The following RHD variants were observed in gnomAD, a reference collection of about 807,000 sequenced individuals.
The protein encoded by RHD is Rh blood group D antigen, also known as blood group Rh(D) polypeptide.
RHD carries 16 observed loss-of-function variants against 45.5 expected under a neutral mutation model. The ratio of observed to expected loss-of-function variants is 0.35; its 90% CI spans 0.24 to 0.53. RHD has a LOEUF of 0.53. RHD is among the 20% of genes least tolerant of loss of function. The pLI is 0.92. For synonymous variants in RHD, 131 were observed against 217.5 expected (o/e 0.60, Z 3.50); for missense variants, 306 against 532.0 (o/e 0.58, Z 4.18).
chr1:25,303,471 G>C lies in RHD; in HGVS notation c.939+12G>C. The C allele has an allele frequency of 5.8e-6, 8 of 1,378,990 alleles. 3 individuals are homozygous for C. Among genetic ancestry groups the C allele is most frequent in the Non-Finnish European group, 8.2e-6 (8 of 978,732 alleles). 85.4% of individuals were successfully genotyped at this position (1,378,990 alleles called of 1,614,324 possible). On this transcript the variant is annotated intron_variant, in intron 6 of 9. Coordinates refer to ENST00000328664, the MANE Select transcript of RHD (RefSeq NM_016124.6). ...CCAAGTACCTGCCGGTAAGAAACTAGACAACTAACCTCCTCTGCTTTGGCT... is the reference window on the plus strand; with the variant it reads ...CCAAGTACCTGCCGGTAAGAAACTACACAACTAACCTCCTCTGCTTTGGCT...
chr1:25,310,362 C>A (rs1644075621), intron 7 of RHD, among the ~76,000 whole-genome samples: 1 of 133,132 alleles, frequency 7.5e-6, no homozygotes, highest in South Asian at 2.3e-4. Flanking sequence ...AGCTGGCATG[C>A]TCTTGCCCTC....
rs572806396 is a variant in RHD, at chr1:25,275,142, T to C, written c.148+2447T>C. Among the ~76,000 whole-genome samples the C allele has an allele frequency of 4.6e-5, 6 of 130,836 alleles. No homozygotes were observed. The East Asian group carries it at 1.2e-3, about 26-fold the overall frequency. 85.8% of individuals were successfully genotyped at this position (130,836 alleles called of 152,430 possible). A position where few individuals can be genotyped will look rare whatever the true frequency, so the allele number is the denominator to read the frequency against. ...CTGTCTCTACTAAAAATACAAAAAT[T>C]AGCCGGATGTGGTGGCACGTGCCTG... is the stretch of plus-strand genomic sequence containing the variant. On this transcript the variant is annotated intron_variant, in intron 1 of 9. Transcript: ENST00000328664.
At position 25,312,920 on chromosome 1, in the gene RHD, TAAAAAAAAAAAAAAAAAA is replaced by T. The variant is rs58027687; in HGVS notation, c.1074-4062_1074-4045del. On this transcript the variant is annotated intron_variant, in intron 7 of 9. Transcript: ENST00000328664. The stretch of plus-strand genomic sequence containing the variant: ...GGATGATAGAGCAAAATCCCATCTC[TAAAAAAAAAAAAAAAAAA>T]AAAAAAAAAAAAAAAAACTTTAGTG... Among the ~76,000 whole-genome samples, 47 of 6,856 alleles carry T rather than the reference TAAAAAAAAAAAAAAAAAA, an allele frequency of 6.9e-3. 7 individuals are homozygous for T. The South Asian group carries it at 0.14, about 20-fold the overall frequency. 4.5% of individuals were successfully genotyped at this position (6,856 alleles called of 152,430 possible).
intron 3 of RHD, among the ~76,000 whole-genome samples, chr1:25,291,161 T>TAGACAGAC (rs377224052): frequency 0.016 from 2,014 of 124,086 alleles, 238 homozygotes; most frequent in African/African-American, 0.054. Flanking sequence ...GATAGATAGA[T>TAGACAGAC]AGACAGACAG....
rs1455124354 is a variant in RHD at position 25,306,265 on chromosome 1, C to G, written c.940-331C>G. Among the ~76,000 whole-genome samples, 9 of 131,688 alleles carry G rather than the reference C, an allele frequency of 6.8e-5. 2 individuals carry two copies. The highest frequency in any genetic ancestry group is 1.3e-4 in the Non-Finnish European group (7 of 55,740). The allele number at this position is 131,688 out of a possible 152,430, so 86.4% of individuals were successfully genotyped here. A position where few individuals can be genotyped will look rare whatever the true frequency, so the allele number is the denominator to read the frequency against. On this transcript the variant is annotated intron_variant, in intron 6 of 9. Transcript: ENST00000328664. ...CTACAGTACACAGGGCAGCCCCCACCACAAGGAATTATCAGCTGAAATTGT... is the reference window on the plus strand; with the variant it reads ...CTACAGTACACAGGGCAGCCCCCACGACAAGGAATTATCAGCTGAAATTGT...
At position 25,278,159 on chromosome 1, in the gene RHD, G is replaced by A. The variant is rs866456106; in HGVS notation, c.148+5464G>A. Reference sequence around the variant, plus strand: ...CAGGGGCAGTGGAGGAGATTCTAGAGATATTTAGGAGATAAGTCAGCTGTA... The same window carrying A: ...CAGGGGCAGTGGAGGAGATTCTAGAAATATTTAGGAGATAAGTCAGCTGTA... On this transcript the variant is annotated intron_variant, in intron 1 of 9. Transcript: ENST00000328664. 1.1e-4 allele frequency among the ~76,000 whole-genome samples: 14 copies of A among 129,850 alleles called. 3 individuals are homozygous for A. The highest frequency in any genetic ancestry group is 4.2e-3 in the Middle Eastern group (1 of 238). 85.2% of individuals were successfully genotyped at this position (129,850 alleles called of 152,430 possible).
intron 6 of RHD, among the ~76,000 whole-genome samples, chr1:25,305,691 C>G (rs181147034): frequency 3.1e-5 from 4 of 128,906 alleles, no homozygotes; most frequent in African/African-American, 1.1e-4. Flanking sequence ...AGCTCCGCCT[C>G]CCGGGTTCAC....
chr1:25,318,001 T>A (rs1281483918), intron 8 of RHD: 1 of 131,270 alleles, frequency 7.6e-6, no homozygotes, highest in East Asian at 2.0e-4. Context: ...GGGGAGTTGC[T>A]AATTAGCCAG....
chr1:25,279,071 C>T (rs1459748655), intron 1 of RHD, among the ~76,000 whole-genome samples: 1 of 129,470 alleles, frequency 7.7e-6, no homozygotes, highest in East Asian at 2.0e-4. Context: ...TCCAGAATCA[C>T]GGAGGCAGCT....
Position 25,278,529 on chromosome 1 carries a change from A to C in RHD, c.148+5834A>C, listed in dbSNP as rs1284090948. Among the ~76,000 whole-genome samples the C allele has an allele frequency of 1.5e-5, 2 of 131,644 alleles. 1 individual carries two copies. Among genetic ancestry groups the C allele is most frequent in the African/African-American group, 5.2e-5 (2 of 38,636 alleles). 86.4% of individuals were successfully genotyped at this position (131,644 alleles called of 152,430 possible). A position where few individuals can be genotyped will look rare whatever the true frequency, so the allele number is the denominator to read the frequency against. On this transcript the variant is annotated intron_variant, in intron 1 of 9. Coordinates refer to ENST00000328664, the MANE Select transcript of RHD (RefSeq NM_016124.6). ...CACCCAGGGTCATTCATGCATCTGC[A>C]GTTTGGGGTGGGATGGCCTCAGATG...
rs1460920313 is a variant in RHD, at chr1:25,275,732, T to A, written c.148+3037T>A. Reference sequence around the variant, plus strand: ...TAATGGTGTCAATCTCCAGGCAGGGTCCATTGCTACAGTTGACGATAGTGG... The same window carrying A: ...TAATGGTGTCAATCTCCAGGCAGGGACCATTGCTACAGTTGACGATAGTGG... On this transcript the variant is annotated intron_variant, in intron 1 of 9. Coordinates refer to ENST00000328664, the MANE Select transcript of RHD (RefSeq NM_016124.6). Among the ~76,000 whole-genome samples the A allele has an allele frequency of 5.9e-4, 78 of 133,028 alleles. 15 individuals carry two copies. The highest frequency in any genetic ancestry group is 1.2e-3 in the Admixed American group (17 of 13,682). 87.3% of individuals were successfully genotyped at this position (133,028 alleles called of 152,430 possible). A position where few individuals can be genotyped will look rare whatever the true frequency, so the allele number is the denominator to read the frequency against.
At chr1:25,313,726 A>G (rs1644285248) in intron 7 of RHD, among the ~76,000 whole-genome samples, 1 of 131,972 alleles carries the variant, frequency 7.6e-6, no homozygotes, top group Non-Finnish European at 1.8e-5. Flanking sequence ...GTGGTGGGAG[A>G]GTAACTGGGT....
intron 2 of RHD, among the ~76,000 whole-genome samples, chr1:25,286,890 C>CAACATG: frequency 7.4e-6 from 1 of 134,400 alleles, no homozygotes; most frequent in East Asian, 1.9e-4. Context: ...GTCAGGAGTC[C>CAACATG]GAGACCAACC....
Position 25,285,777 on chromosome 1 carries a change from T to C in RHD, c.335+1018T>C, listed in dbSNP as rs1356934637. Among the ~76,000 whole-genome samples the C allele has an allele frequency of 2.2e-5, 3 of 135,124 alleles. No homozygotes were observed. In the East Asian group the frequency reaches 5.8e-4, roughly 26 times the overall value. The allele number at this position is 135,124 out of a possible 152,430, so 88.6% of individuals were successfully genotyped here. A position where few individuals can be genotyped will look rare whatever the true frequency, so the allele number is the denominator to read the frequency against. ...TAGGCTAAATTTTTTCCTGAAACATTGTTTTGTTTTGTTCAAACCTCTGAA... is the reference window on the plus strand; with the variant it reads ...TAGGCTAAATTTTTTCCTGAAACATCGTTTTGTTTTGTTCAAACCTCTGAA... On this transcript the variant is annotated intron_variant, in intron 2 of 9. Transcript: ENST00000328664.
rs369751348 is a variant in RHD, at chr1:25,306,649, C to T, written c.993C>T (p.Asn331=). 5 of 1,378,592 alleles carry T rather than the reference C, an allele frequency of 3.6e-6. 2 individuals carry two copies. Among genetic ancestry groups the T allele is most frequent in the African/African-American group, 2.9e-5 (2 of 70,022 alleles). The allele number at this position is 1,378,592 out of a possible 1,614,324, so 85.4% of individuals were successfully genotyped here. A position where few individuals can be genotyped will look rare whatever the true frequency, so the allele number is the denominator to read the frequency against. ...GIPHSSIMGY[N]FSLLGLLGEI... ...CCCACAGCTCCATCATGGGCTACAACTTCAGCTTGCTGGGTCTGCTTGGAG... is the reference window on the plus strand; with the variant it reads ...CCCACAGCTCCATCATGGGCTACAATTTCAGCTTGCTGGGTCTGCTTGGAG... The change falls in exon 7 of 10, where the codon AAC becomes AAT. Residue 331 remains asparagine, a synonymous_variant. Transcript: ENST00000328664.
Position 25,300,844 on chromosome 1 carries a change from C to A in RHD, c.487-102C>A, listed in dbSNP as rs1643327913. The stretch of plus-strand genomic sequence containing the variant: ...GAACACCAGTCTCATGGCTTCAAGT[C>A]ACACCTCCTAAGTGAAGCTCTGAAC... On this transcript the variant is annotated intron_variant, in intron 3 of 9. Transcript: ENST00000328664. 4 of 1,236,502 alleles carry A rather than the reference C, an allele frequency of 3.2e-6. 1 individual carries two copies. Among genetic ancestry groups the A allele is most frequent in the Middle Eastern group, 1.9e-4 (1 of 5,198 alleles). The allele number at this position is 1,236,502 out of a possible 1,614,324, so 76.6% of individuals were successfully genotyped here.
chr1:25,301,047 G>A lies in RHD; in HGVS notation c.588G>A (p.Glu196=). The change falls in exon 4 of 10, where the codon GAG becomes GAA. Residue 196 remains glutamate, a synonymous_variant. Coordinates refer to ENST00000328664, the MANE Select transcript of RHD (RefSeq NM_016124.6). The part of the protein sequence containing the change: ...CLPKPLPEGT[E]DKDQTATIPS... Reference sequence around the variant, plus strand: ...CAAAGCCTCTACCCGAGGGAACGGAGGATAAAGATCAGACAGCAACGATAC... The same window carrying A: ...CAAAGCCTCTACCCGAGGGAACGGAAGATAAAGATCAGACAGCAACGATAC... 7.3e-7 allele frequency: 1 copy of A among 1,377,320 alleles called. No homozygotes were observed. The highest frequency in any genetic ancestry group is 1.4e-5 in the African/African-American group (1 of 69,604). 85.3% of individuals were successfully genotyped at this position (1,377,320 alleles called of 1,614,324 possible).
In RHD at chr1:25,277,737, C is replaced by T. The variant is rs368435585; in HGVS notation, c.148+5042C>T. ...TATTGCCCAGGGGAGTGCAGTGGTGCGATCTTGGCTCACCGCAACCTCCAC... is the reference window on the plus strand; with the variant it reads ...TATTGCCCAGGGGAGTGCAGTGGTGTGATCTTGGCTCACCGCAACCTCCAC... On this transcript the variant is annotated intron_variant, in intron 1 of 9. Coordinates refer to ENST00000328664, the MANE Select transcript of RHD (RefSeq NM_016124.6). 1.8e-4 allele frequency among the ~76,000 whole-genome samples: 22 copies of T among 122,228 alleles called. 5 individuals are homozygous for T. Among genetic ancestry groups the T allele is most frequent in the African/African-American group, 3.3e-4 (12 of 36,144 alleles). The allele number at this position is 122,228 out of a possible 152,430, so 80.2% of individuals were successfully genotyped here.
rs1642520972 is a variant in RHD at position 25,291,664 on chromosome 1, C to G, written c.486+873C>G. Among the ~76,000 whole-genome samples the G allele has an allele frequency of 1.5e-5, 2 of 132,262 alleles. 1 individual carries two copies. Among genetic ancestry groups the G allele is most frequent in the Admixed American group, 1.5e-4 (2 of 13,534 alleles). 86.8% of individuals were successfully genotyped at this position (132,262 alleles called of 152,430 possible). On this transcript the variant is annotated intron_variant, in intron 3 of 9. Coordinates refer to ENST00000328664, the MANE Select transcript of RHD (RefSeq NM_016124.6). ...TATAAAAGTAATTAATTCTCAGAGCCTCACCAGCAGTGGGTCCAGCAAGTT... is the reference window on the plus strand; with the variant it reads ...TATAAAAGTAATTAATTCTCAGAGCGTCACCAGCAGTGGGTCCAGCAAGTT...
Sources: gnomAD v4.1 joint callset for allele counts (sites outside exome capture counted in the v4.1 genomes callset) on GRCh38, gnomAD v4.1.1 for gene constraint, MANE v1.5 for transcripts, NCBI Gene and HGNC (gene_info 2026-07-23, HGNC 2026-07-21) for gene names.